The following SEMA3A variants were observed in gnomAD, a reference collection of about 807,000 sequenced individuals.
SEMA3A encodes the protein semaphorin-3A.
A neutral mutation model predicts 97.9 loss-of-function variants in SEMA3A; 29 were observed. The ratio of observed to expected loss-of-function variants is 0.30; its 90% CI spans 0.22 to 0.40. The LOEUF is 0.40. Among genes scored for constraint, SEMA3A ranks in the 10% least tolerant of loss-of-function variants. The probability of loss-of-function intolerance (pLI) is 1.00; values close to 1 mark genes in which losing one functional copy is unlikely to be tolerated. For missense variants in SEMA3A, 763 were observed against 951.3 expected (o/e 0.80, Z 2.60); for synonymous variants, 321 against 323.7 (o/e 0.99, Z 0.09).
At chr7:84,441,027 G>A (rs961892517) in intron 1 of SEMA3A, among the ~76,000 whole-genome samples, 5 of 151,936 alleles carry the variant, frequency 3.3e-5, no homozygotes, top group Non-Finnish European at 7.4e-5. Flanking sequence ...GCGTCGGGGC[G>A]CATGCCTGTA....
At chr7:84,151,424 C>G (rs1400058307) in intron 1 of SEMA3A, among the ~76,000 whole-genome samples, 1 of 151,470 alleles carries the variant, frequency 6.6e-6, no homozygotes, top group Non-Finnish European at 1.5e-5. Flanking sequence ...AACCAAGGCT[C>G]GAGAACTACA....
At position 84,030,888 on chromosome 7, in the gene SEMA3A, T is replaced by C. The variant is rs900503875; in HGVS notation, c.667+15436A>G. 4.6e-5 allele frequency among the ~76,000 whole-genome samples: 7 copies of C among 152,202 alleles called. No individual in the cohort carries two copies. In the East Asian group the frequency reaches 1.4e-3, roughly 29 times the overall value. On this transcript the variant is annotated intron_variant, in intron 6 of 16. Coordinates refer to ENST00000265362, the MANE Select transcript of SEMA3A (RefSeq NM_006080.3). Reference sequence around the variant, plus strand: ...CATTTTAAATATTAAGTTAATGAACTGAGCTAAGAAAATTCTTTAATAGGA... The same window carrying C: ...CATTTTAAATATTAAGTTAATGAACCGAGCTAAGAAAATTCTTTAATAGGA...
intron 1 of SEMA3A, among the ~76,000 whole-genome samples, chr7:84,179,472 T>C (rs1797669811): frequency 6.6e-6 from 1 of 152,244 alleles, no homozygotes; most frequent in Non-Finnish European, 1.5e-5. Context: ...TAATGTTCTC[T>C]ACCTGTAAAA....
intron 12 of SEMA3A, among the ~76,000 whole-genome samples, chr7:83,987,744 C>T (rs1308138338): frequency 2.0e-5 from 3 of 152,172 alleles, no homozygotes; most frequent in African/African-American, 7.2e-5. Context: ...GTCTTTCTTC[C>T]ATTTAATTTA....
intron 3 of SEMA3A, among the ~76,000 whole-genome samples, chr7:84,287,120 A>G (rs1021159719): frequency 2.0e-5 from 3 of 152,122 alleles, no homozygotes; most frequent in Non-Finnish European, 4.4e-5. Context: ...ATTATTAACT[A>G]AACTTGTCAC....
intron 1 of SEMA3A, among the ~76,000 whole-genome samples, chr7:84,436,888 A>T (rs191051350): frequency 2.8e-4 from 42 of 152,246 alleles, no homozygotes; most frequent in Non-Finnish European, 5.7e-4. Flanking sequence ...TGTAAACATT[A>T]AATTTTAAGT....
intron 1 of SEMA3A, among the ~76,000 whole-genome samples, chr7:84,379,129 G>A (rs964134278): frequency 4.0e-5 from 6 of 151,830 alleles, no homozygotes; most frequent in South Asian, 2.1e-4. Context: ...GGGTTTCACC[G>A]TGTTAGCCAG....
chr7:84,424,485 T>TTATATA (rs1554383581), intron 1 of SEMA3A, among the ~76,000 whole-genome samples: 1 of 84,010 alleles, frequency 1.2e-5, no homozygotes, highest in Non-Finnish European at 2.3e-5. Context: ...ATATAATATA[T>TTATATA]TGATATATAA....
chr7:84,062,611 C>T (rs561275688), intron 4 of SEMA3A, among the ~76,000 whole-genome samples: 9 of 152,290 alleles, frequency 5.9e-5, no homozygotes, highest in East Asian at 1.9e-4. Flanking sequence ...ACTTGGGAAG[C>T]GCAAGGGGTC....
At chr7:83,991,482 G>C (rs1789932061) in intron 12 of SEMA3A, among the ~76,000 whole-genome samples, 1 of 150,526 alleles carries the variant, frequency 6.6e-6, no homozygotes, top group South Asian at 2.1e-4. Context: ...TTATTATTTT[G>C]AAATACGTCC....
intron 9 of SEMA3A, among the ~76,000 whole-genome samples, chr7:84,008,490 C>CAAAAAAA (rs752729583): frequency 1.2e-5 from 1 of 81,168 alleles, no homozygotes; most frequent in Admixed American, 1.3e-4. Context: ...GACTCCGTCT[C>CAAAAAAA]AAAAAAAAAA....
intron 2 of SEMA3A, among the ~76,000 whole-genome samples, chr7:84,339,806 C>T (rs1037789353): frequency 6.6e-6 from 1 of 152,064 alleles, no homozygotes; most frequent in Non-Finnish European, 1.5e-5. Context: ...ATTCCAAAAA[C>T]AGTTTTCAAA....
At chr7:84,216,210 G>A (rs963033864) in intron 3 of SEMA3A, among the ~76,000 whole-genome samples, 1 of 152,012 alleles carries the variant, frequency 6.6e-6, no homozygotes, top group African/African-American at 2.4e-5. Flanking sequence ...GGGTTCAAGC[G>A]ATTCTCCTGC....
intron 1 of SEMA3A, among the ~76,000 whole-genome samples, chr7:84,405,628 T>A (rs1034376267): frequency 6.6e-6 from 1 of 152,126 alleles, no homozygotes; most frequent in African/African-American, 2.4e-5. Context: ...ATTCCAAAAA[T>A]GACCACATAG....
intron 1 of SEMA3A, among the ~76,000 whole-genome samples, chr7:84,409,324 G>A (rs1329800251): frequency 6.6e-6 from 1 of 151,224 alleles, no homozygotes; most frequent in Non-Finnish European, 1.5e-5. Flanking sequence ...CAACTATTAT[G>A]AATCAATTTT....
chr7:84,407,815 T>C (rs368209964), intron 1 of SEMA3A, among the ~76,000 whole-genome samples: 7 of 152,290 alleles, frequency 4.6e-5, no homozygotes, highest in East Asian at 3.9e-4. Context: ...ATTTAATAAA[T>C]GATGCTGGGA....
chr7:84,141,122 T>C (rs1014702559), intron 1 of SEMA3A, among the ~76,000 whole-genome samples: 3 of 152,174 alleles, frequency 2.0e-5, no homozygotes, highest in African/African-American at 7.2e-5. Context: ...CTACTATTTC[T>C]GGTCAGTGCA....
intron 3 of SEMA3A, among the ~76,000 whole-genome samples, chr7:84,263,188 A>G (rs545784742): frequency 3.9e-4 from 59 of 151,866 alleles, no homozygotes; most frequent in African/African-American, 1.4e-3. Flanking sequence ...GTATCCCCAA[A>G]TTCTAAAATA....
At chr7:83,977,642 T>C (rs1001651590) in intron 14 of SEMA3A, among the ~76,000 whole-genome samples, 17 of 152,196 alleles carry the variant, frequency 1.1e-4, no homozygotes, top group African/African-American at 4.1e-4. Context: ...TTGAAAATTA[T>C]AATTCACATG....
Sources: allele counts gnomAD v4.1 joint callset (sites outside exome capture counted in the v4.1 genomes callset), GRCh38; gene constraint gnomAD v4.1.1; transcripts MANE v1.5; gene names NCBI Gene and HGNC (gene_info 2026-07-23, HGNC 2026-07-21).